The following ART3 variants were observed in gnomAD, a reference collection of about 807,000 sequenced individuals.
ART3 encodes ADP-ribosyltransferase 3 (inactive), also known as ecto-ADP-ribosyltransferase 3.
A neutral mutation model predicts 48.5 loss-of-function variants in ART3; 49 were observed. The observed-to-expected ratio is 1.01, with a 90% confidence interval of 0.80 to 1.28. The LOEUF is 1.28. Ranked by LOEUF, ART3 falls within the 50% of genes most tolerant of loss-of-function variation. The pLI, the probability that ART3 is intolerant of heterozygous loss-of-function variation, is 0.00. For synonymous variants in ART3, 145 were observed against 157.2 expected (o/e 0.92, Z 0.58); for missense variants, 438 against 454.3 (o/e 0.96, Z 0.33).
chr4:76,083,868 A>G (rs1560628416), intron 3 of ART3, among the ~76,000 whole-genome samples: 1 of 152,292 alleles, frequency 6.6e-6, no homozygotes, highest in South Asian at 2.1e-4. Flanking sequence ...GGAAAAGGGA[A>G]TTAGAAATGG....
intron 1 of ART3, among the ~76,000 whole-genome samples, chr4:76,024,036 A>G (rs1178065588): frequency 6.6e-6 from 1 of 152,234 alleles, no homozygotes; most frequent in Non-Finnish European, 1.5e-5. Flanking sequence ...GCAAGTTTTA[A>G]ATAATTCAAT....
At chr4:76,042,437 C>T (rs1407980398) in intron 1 of ART3, among the ~76,000 whole-genome samples, 4 of 152,172 alleles carry the variant, frequency 2.6e-5, no homozygotes, top group South Asian at 2.1e-4. Flanking sequence ...ACAGATGACT[C>T]ACTCCTAGGG....
intron 1 of ART3, among the ~76,000 whole-genome samples, chr4:76,046,783 A>G (rs1260604618): frequency 6.6e-6 from 1 of 151,998 alleles, no homozygotes; most frequent in Non-Finnish European, 1.5e-5. Context: ...AGGCATGTGA[A>G]AAGAGCAAAG....
At chr4:76,038,223 A>G (rs1298984298) in intron 1 of ART3, among the ~76,000 whole-genome samples, 2 of 152,218 alleles carry the variant, frequency 1.3e-5, no homozygotes, top group Non-Finnish European at 2.9e-5. Flanking sequence ...GAGAGACTAC[A>G]CAGTCACTTA....
At chr4:76,011,798 A>G (rs986017340) in intron 1 of ART3, among the ~76,000 whole-genome samples, 1 of 152,200 alleles carries the variant, frequency 6.6e-6, no homozygotes, top group Non-Finnish European at 1.5e-5. Flanking sequence ...CTGTCCAGAC[A>G]CTAGTTTCCT....
chr4:76,048,319 G>A (rs1214267192), intron 1 of ART3, among the ~76,000 whole-genome samples: 6 of 151,862 alleles, frequency 4.0e-5, no homozygotes, highest in Admixed American at 3.9e-4. Context: ...ACTTCCCTCA[G>A]GTGGCCATTT....
chr4:76,063,321 C>A (rs764742058), intron 1 of ART3, among the ~76,000 whole-genome samples: 8 of 151,948 alleles, frequency 5.3e-5, no homozygotes, highest in Non-Finnish European at 1.0e-4. Context: ...AAACTTGTTA[C>A]AATTATAAAT....
intron 3 of ART3, among the ~76,000 whole-genome samples, chr4:76,093,270 TA>T (rs955980356): frequency 1.3e-5 from 2 of 151,892 alleles, no homozygotes; most frequent in African/African-American, 4.8e-5. Flanking sequence ...AAAAATAAAA[TA>T]AAAAAAGTAT....
At chr4:76,017,837 G>C (rs1318763869) in intron 1 of ART3, among the ~76,000 whole-genome samples, 2 of 152,222 alleles carry the variant, frequency 1.3e-5, no homozygotes, top group Non-Finnish European at 2.9e-5. Flanking sequence ...ACTGAGTTCA[G>C]CCTAATTTTG....
chr4:76,095,463 G>A (rs1216355208), intron 3 of ART3, among the ~76,000 whole-genome samples: 2 of 152,132 alleles, frequency 1.3e-5, no homozygotes, highest in African/African-American at 4.8e-5. Flanking sequence ...AGCCGAGATC[G>A]TGCCACTGCA....
chr4:76,107,924 A>G, intron 11 of ART3, 131 bp downstream of exon 11: 1 of 660,098 alleles, frequency 1.5e-6, no homozygotes, highest in South Asian at 2.4e-5. Context: ...ACAGAGTATA[A>G]TGTCATATCC....
Position 76,050,556 on chromosome 4 carries a change from C to T in ART3, c.-9-25325C>T, listed in dbSNP as rs554738589. Among the ~76,000 whole-genome samples, 36 of 152,336 alleles carry T rather than the reference C, an allele frequency of 2.4e-4. No homozygotes were observed. The South Asian group carries it at 7.2e-3, about 31-fold the overall frequency. On this transcript the variant is annotated intron_variant, in intron 1 of 9. Coordinates refer to the ART3 transcript ENST00000341029. Reference sequence around the variant, plus strand: ...CCCTGAGCTAGACATAAAAGTTCTCCATGTTCCCACCAGACTCAGGAGCCC... The same window carrying T: ...CCCTGAGCTAGACATAAAAGTTCTCTATGTTCCCACCAGACTCAGGAGCCC...
intron 10 of ART3, chr4:76,106,286 G>A (rs2149706861): frequency 1.0e-6 from 1 of 985,296 alleles, no homozygotes; most frequent in Non-Finnish European, 1.2e-6. Context: ...GTTAAAATAT[G>A]GTAATATCAT....
intron 2 of ART3, 118 bp from the exon 3 acceptor site, chr4:76,081,706 G>A (rs954930896): frequency 1.7e-5 from 18 of 1,034,916 alleles, no homozygotes; most frequent in Non-Finnish European, 2.4e-5. Context: ...CCCAAAATTG[G>A]TTATAAGTCA....
At chr4:76,019,654 C>T (rs1732601418) in intron 1 of ART3, among the ~76,000 whole-genome samples, 1 of 149,612 alleles carries the variant, frequency 6.7e-6, no homozygotes, top group Non-Finnish European at 1.5e-5. Flanking sequence ...CAGGGTTTCA[C>T]CATGTTAGCC....
Position 76,112,714 on chromosome 4 carries a change from C to T in ART3, c.*195C>T, listed in dbSNP as rs550185613. On this transcript the variant is annotated 3_prime_UTR_variant, in exon 12 of 12. Transcript: ENST00000355810. ...TGTCACAGAACTTTTCACTTGTATA[C>T]TACTCTTACAATGGAAAAAAATCCC... 2.0e-6 allele frequency: 1 copy of T among 494,616 alleles called. No homozygotes were observed. Among genetic ancestry groups the T allele is most frequent in the South Asian group, 4.6e-5 (1 of 21,722 alleles). The allele number at this position is 494,616 out of a possible 1,614,324, so 30.6% of individuals were successfully genotyped here.
At chr4:76,053,311 A>G (rs992895376) in intron 1 of ART3, among the ~76,000 whole-genome samples, 1 of 152,128 alleles carries the variant, frequency 6.6e-6, no homozygotes, top group Non-Finnish European at 1.5e-5. Flanking sequence ...TGATTTATTA[A>G]CTACAGCTCT....
At position 76,045,409 on chromosome 4, in the gene ART3, G is replaced by C. The variant is rs1578303405; in HGVS notation, c.-9-30472G>C. Among the ~76,000 whole-genome samples the C allele has an allele frequency of 5.3e-5, 8 of 152,144 alleles. 1 individual carries two copies. The South Asian group carries it at 1.7e-3, about 32-fold the overall frequency. ...AGCCATAAACTTCCTTTGGCACCTA[G>C]TATGCCATTTACATCATGAGTAGTC... On this transcript the variant is annotated intron_variant, in intron 1 of 9. Coordinates refer to the ART3 transcript ENST00000341029.
chr4:76,061,955 A>G (rs1246588303), intron 1 of ART3, among the ~76,000 whole-genome samples: 2 of 152,244 alleles, frequency 1.3e-5, no homozygotes, highest in African/African-American at 4.8e-5. Flanking sequence ...TCCCTAAAGG[A>G]CAATTTTAGA....
Sources: allele counts gnomAD v4.1 joint callset (sites outside exome capture counted in the v4.1 genomes callset), GRCh38; gene constraint gnomAD v4.1.1; transcripts MANE v1.5; gene names NCBI Gene and HGNC (gene_info 2026-07-23, HGNC 2026-07-21).